The following ROPN1 variants were observed in gnomAD, a reference collection of about 807,000 sequenced individuals.
The protein encoded by ROPN1 is ropporin-1A.
In ROPN1, 14 loss-of-function variants were observed where a neutral mutation model predicts 20.5. The ratio of observed to expected loss-of-function variants is 0.68; its 90% confidence interval spans 0.45 to 1.07. ROPN1 has a LOEUF of 1.07. Ranked by LOEUF, ROPN1 falls within the 50% of genes least tolerant of loss-of-function variation. ROPN1 has a pLI of 0.00. For missense variants in ROPN1, 169 were observed against 242.8 expected (o/e 0.70, Z 2.02); for synonymous variants, 76 against 95.7 (o/e 0.79, Z 1.20).
intron 1 of ROPN1, among the ~76,000 whole-genome samples, chr3:123,981,012 G>A (rs557590705): frequency 1.3e-5 from 2 of 152,224 alleles, no homozygotes; most frequent in East Asian, 1.9e-4. Flanking sequence ...TTTGGTGAGC[G>A]TCTCTCTTTA....
At chr3:123,980,876 TCATGAAC>T (rs917510974) in intron 1 of ROPN1, 34 of 168,154 alleles carry the variant, frequency 2.0e-4, no homozygotes, top group Middle Eastern at 2.8e-3. Flanking sequence ...CAAAAGTATA[TCATGAAC>T]ATCTTTCCAT....
At chr3:123,987,848 G>A (rs916259766) in intron 1 of ROPN1, among the ~76,000 whole-genome samples, 2 of 152,150 alleles carry the variant, frequency 1.3e-5, no homozygotes, top group African/African-American at 4.8e-5. Flanking sequence ...AGTTCTACAT[G>A]TTTATTATTT....
At chr3:123,976,811 C>T in intron 3 of ROPN1, 53 bp downstream of exon 3, 1 of 1,553,254 alleles carries the variant, frequency 6.4e-7, no homozygotes, top group Non-Finnish European at 8.8e-7. Flanking sequence ...CTGTACCCAC[C>T]CAGCCTCAAC....
Position 123,970,033 on chromosome 3 carries a change from T to C in ROPN1, c.572+9A>G. On this transcript the variant is annotated intron_variant, in intron 5 of 5. Transcript: ENST00000405845. ...TTCTTTCACCTCCACTTGACAAAAG[T>C]TAACTTACACTTCCTGTTCCATGTA... 6.2e-7 allele frequency: 1 copy of C among 1,610,552 alleles called. No individual in the cohort carries two copies. The highest frequency in any genetic ancestry group is 2.2e-5 in the East Asian group (1 of 44,818).
intron 2 of ROPN1, among the ~76,000 whole-genome samples, 159 bp from the exon 3 acceptor site, chr3:123,977,140 G>A (rs1216890802): frequency 6.6e-6 from 1 of 152,124 alleles, no homozygotes; most frequent in Non-Finnish European, 1.5e-5. Context: ...CTTACATATG[G>A]GAAAAGTCTG....
rs766055172 is a variant in ROPN1, at chr3:123,970,161, A to G, written c.453T>C (p.Gly151=). The change falls in exon 5 of 6, where the codon GGT becomes GGC. Residue 151 remains glycine, a synonymous_variant. Transcript: ENST00000405845. ...TGCTGAACGGGATCCGGGGCGACCCACCATTATGGTCACATGATAAGACCT... is the reference window on the plus strand; with the variant it reads ...TGCTGAACGGGATCCGGGGCGACCCGCCATTATGGTCACATGATAAGACCT... ...VCEVLSCDHN[G]GSPRIPFSTF... is the part of the protein sequence containing the mutation. The G allele has an allele frequency of 6.2e-7, 1 of 1,614,150 alleles. No individual in the cohort carries two copies. The highest frequency in any genetic ancestry group is 1.1e-5 in the South Asian group (1 of 91,088).
chr3:123,987,513 T>G (rs2038291233), intron 1 of ROPN1, among the ~76,000 whole-genome samples: 1 of 152,250 alleles, frequency 6.6e-6, no homozygotes, highest in South Asian at 2.1e-4. Context: ...CCACTCATGT[T>G]TTTACATAAC....
At chr3:123,974,304 A>G (rs1354946224) in intron 4 of ROPN1, among the ~76,000 whole-genome samples, 1 of 152,292 alleles carries the variant, frequency 6.6e-6, no homozygotes, top group East Asian at 1.9e-4. Context: ...CCCAGTCCTG[A>G]CTGACAACTC....
chr3:123,987,016 A>G (rs2038275988), intron 1 of ROPN1, among the ~76,000 whole-genome samples: 1 of 152,236 alleles, frequency 6.6e-6, no homozygotes, highest in South Asian at 2.1e-4. Context: ...ATCAGGTCCA[A>G]CAGTTCCCCT....
intron 1 of ROPN1, among the ~76,000 whole-genome samples, chr3:123,985,675 T>C (rs201070782): frequency 1.4e-5 from 2 of 145,606 alleles, no homozygotes; most frequent in Non-Finnish European, 2.9e-5. Context: ...GAAAATAATT[T>C]AATGATTTAG....
chr3:123,978,637 T>G (rs2038073362), intron 2 of ROPN1: 1 of 153,712 alleles, frequency 6.5e-6, no homozygotes, highest in South Asian at 2.1e-4. Flanking sequence ...ACAACACATA[T>G]GTAGGGAAAT....
chr3:123,973,724 A>G (rs2037958860), intron 4 of ROPN1, among the ~76,000 whole-genome samples: 1 of 152,224 alleles, frequency 6.6e-6, no homozygotes. Context: ...GTAGACCACC[A>G]GAGCCAGGGA....
intron 1 of ROPN1, among the ~76,000 whole-genome samples, chr3:123,986,274 T>G (rs564073477): frequency 6.6e-6 from 1 of 151,588 alleles, no homozygotes; most frequent in South Asian, 2.1e-4. Context: ...CTTTCCATCA[T>G]AAAAGGTAAT....
At chr3:123,978,271 C>T (rs7615632) in intron 2 of ROPN1, among the ~76,000 whole-genome samples, 151,559 of 151,762 alleles carry the variant, frequency 1, 75,678 homozygotes, top group Middle Eastern at 1. Context: ...TTGGGGTGGG[C>T]GGGGTGTGGG....
chr3:123,987,104 C>T (rs570798636), intron 1 of ROPN1, among the ~76,000 whole-genome samples: 1 of 152,352 alleles, frequency 6.6e-6, no homozygotes, highest in South Asian at 2.1e-4. Flanking sequence ...ACAAACACTC[C>T]CACACCAAAC....
intron 1 of ROPN1, among the ~76,000 whole-genome samples, chr3:123,988,693 C>T (rs1326796962): frequency 6.6e-6 from 1 of 152,012 alleles, no homozygotes; most frequent in African/African-American, 2.4e-5. Flanking sequence ...GGCCCTGGGT[C>T]TATTTATGAC....
At chr3:123,986,080 G>C (rs948848995) in intron 1 of ROPN1, among the ~76,000 whole-genome samples, 1 of 137,034 alleles carries the variant, frequency 7.3e-6, no homozygotes, top group Non-Finnish European at 1.5e-5. Flanking sequence ...ATCTAGAATT[G>C]TAATTACTAA....
chr3:123,990,412 C>A, intron 1 of ROPN1, among the ~76,000 whole-genome samples: 1 of 151,944 alleles, frequency 6.6e-6, no homozygotes, highest in African/African-American at 2.4e-5. Context: ...AGTGGTGGTA[C>A]CCTTGTAGAA....
At chr3:123,976,413 C>G (rs1351236987) in intron 3 of ROPN1, among the ~76,000 whole-genome samples, 2 of 151,858 alleles carry the variant, frequency 1.3e-5, no homozygotes, top group Admixed American at 1.3e-4. Flanking sequence ...AGGCAGCTCC[C>G]AGGATGATGT....
Sources: allele counts gnomAD v4.1 joint callset (sites outside exome capture counted in the v4.1 genomes callset), GRCh38; gene constraint gnomAD v4.1.1; transcripts MANE v1.5; gene names NCBI Gene and HGNC (gene_info 2026-07-23, HGNC 2026-07-21).